Variants in ASPRV1 observed in about 807,000 individuals in gnomAD.
ASPRV1 encodes retroviral-like aspartic protease 1.
Under a neutral mutation model 11.0 loss-of-function variants are expected in ASPRV1, and 7 were observed. The ratio of observed to expected loss-of-function variants is 0.64; its 90% CI spans 0.36 to 1.20. The LOEUF is 1.20. ASPRV1 is among the 50% of genes most tolerant of loss of function. The pLI is 0.02. For missense variants in ASPRV1, 299 were observed against 320.0 expected, an observed-to-expected ratio of 0.93 and a Z score of 0.50; for synonymous variants, 136 against 138.4, an observed-to-expected ratio of 0.98 and a Z score of 0.12.
the ASPRV1 span, among the ~76,000 whole-genome samples, chr2:70,080,223 G>T: frequency 7.1e-6 from 1 of 140,662 alleles, no homozygotes; most frequent in Non-Finnish European, 1.5e-5. Flanking sequence ...GCTGTGCCCT[G>T]CCCCTTCTGT....
chr2:69,988,859 T>G, the ASPRV1 span: 1 of 455,480 alleles, frequency 2.2e-6, no homozygotes, highest in Non-Finnish European at 4.4e-6. Flanking sequence ...ATGGGAGGGG[T>G]CAGGAAGCAA....
chr2:70,065,592 GAT>G, the ASPRV1 span, among the ~76,000 whole-genome samples: 4 of 151,788 alleles, frequency 2.6e-5, no homozygotes, highest in Non-Finnish European at 2.9e-5. Flanking sequence ...TGTCTGAAGA[GAT>G]AGCATTTAAA....
At chr2:69,939,478 A>G in the ASPRV1 span, 1 of 152,674 alleles carries the variant, frequency 6.5e-6, no homozygotes, top group Non-Finnish European at 1.5e-5. Context: ...AAAACAGAGC[A>G]CATGTATATG....
the ASPRV1 span, among the ~76,000 whole-genome samples, chr2:69,983,684 C>T: frequency 6.6e-6 from 1 of 152,122 alleles, no homozygotes; most frequent in Non-Finnish European, 1.5e-5. Flanking sequence ...ACCTGGAGGG[C>T]CTAAGCGGGC....
the ASPRV1 span, among the ~76,000 whole-genome samples, chr2:69,945,831 G>A: frequency 6.6e-6 from 1 of 152,236 alleles, no homozygotes; most frequent in East Asian, 1.9e-4. Context: ...GCCCACTCAG[G>A]CCCTGGAGAA....
the ASPRV1 span, chr2:70,049,323 G>GT: frequency 4.6e-5 from 7 of 151,490 alleles, no homozygotes. Context: ...TTAGGACTAT[G>GT]ACTGGCACAC....
chr2:69,950,889 AAT>A, the ASPRV1 span, among the ~76,000 whole-genome samples: 1 of 148,818 alleles, frequency 6.7e-6, no homozygotes, highest in Non-Finnish European at 1.5e-5. Flanking sequence ...ATAAATAAAT[AAT>A]AAAAAATAAA....
At chr2:69,942,464 TTGAG>T in the ASPRV1 span, 4 of 152,320 alleles carry the variant, frequency 2.6e-5, no homozygotes, top group East Asian at 1.9e-4. Context: ...GCTGAAGAGA[TTGAG>T]TATTTGACCT....
chr2:70,056,683 T>C, the ASPRV1 span: 18 of 149,544 alleles, frequency 1.2e-4, no homozygotes, highest in African/African-American at 4.2e-4. Context: ...CCCTTAAAAA[T>C]GGTTAAGATG....
the ASPRV1 span, among the ~76,000 whole-genome samples, chr2:70,026,150 C>T: frequency 2.0e-5 from 3 of 152,272 alleles, no homozygotes; most frequent in Middle Eastern, 3.4e-3. Context: ...GAAACCTTGT[C>T]TCTACTAAAA....
At chr2:70,029,169 A>G in the ASPRV1 span, among the ~76,000 whole-genome samples, 4 of 152,198 alleles carry the variant, frequency 2.6e-5, no homozygotes, top group African/African-American at 2.4e-5. Context: ...ATCCAGCAGA[A>G]AGAGGATTGG....
the ASPRV1 span, among the ~76,000 whole-genome samples, chr2:69,951,835 T>C: frequency 6.6e-6 from 1 of 152,174 alleles, no homozygotes; most frequent in African/African-American, 2.4e-5. Flanking sequence ...TTGATGATTT[T>C]TTTGGTGAGT....
rs747852584 is a variant in ASPRV1, at chr2:69,960,995, C to T, written c.442G>A (p.Asp148Asn). ...PNLWEEVTDGDLDTLQPFENV... is the reference protein window; with the variant it reads ...PNLWEEVTDGNLDTLQPFENV... ...TCAAAGGGCTGCAGGGTGTCCAGAT[C>T]GCCATCAGTGACCTCCTCCCACAAG... The change falls in exon 1 of 1, where the codon GAT (aspartate) becomes AAT (asparagine). Residue 148 changes from aspartate (D) to asparagine (N), a missense_variant. Transcript: ENST00000320256. 3.9e-5 allele frequency: 63 copies of T among 1,614,012 alleles called. No homozygotes were observed. Among genetic ancestry groups the T allele is most frequent in the Middle Eastern group, 1.6e-4 (1 of 6,084 alleles).
At chr2:69,937,384 C>G in the ASPRV1 span, 1 of 1,607,116 alleles carries the variant, frequency 6.2e-7, no homozygotes, top group South Asian at 1.1e-5. Flanking sequence ...AGCGCTCCGA[C>G]TCCGACAGGG....
Position 69,960,595 on chromosome 2 carries a change from A to T in ASPRV1, c.*62T>A. ...CCAGTGACCCCCATGAGGATATGCAACCCCCCCCACAGCGGTGGGTCTTCC... is the reference window on the plus strand; with the variant it reads ...CCAGTGACCCCCATGAGGATATGCATCCCCCCCCACAGCGGTGGGTCTTCC... On this transcript the variant is annotated 3_prime_UTR_variant, in exon 1 of 1. Transcript: ENST00000320256. 3.3e-6 allele frequency: 5 copies of T among 1,498,276 alleles called. No individual in the cohort carries two copies. The South Asian group carries it at 6.2e-5, about 19-fold the overall frequency. The allele number at this position is 1,498,276 out of a possible 1,614,324, so 92.8% of individuals were successfully genotyped here.
At chr2:70,033,946 A>G in the ASPRV1 span, among the ~76,000 whole-genome samples, 1 of 151,730 alleles carries the variant, frequency 6.6e-6, no homozygotes, top group South Asian at 2.1e-4. Context: ...CGAGGTCAGG[A>G]GATCAAGACC....
At chr2:70,065,549 ACTTTAGAATCAT>A in the ASPRV1 span, among the ~76,000 whole-genome samples, 1 of 152,122 alleles carries the variant, frequency 6.6e-6, no homozygotes. Context: ...ATGGGTAGAT[ACTTTAGAATCAT>A]TAGATAGTCA....
the ASPRV1 span, among the ~76,000 whole-genome samples, chr2:70,036,296 G>T: frequency 1.9e-4 from 29 of 152,178 alleles, no homozygotes; most frequent in Admixed American, 7.2e-4. Context: ...GCAGATAGTG[G>T]TGATAAAAGC....
the ASPRV1 span, among the ~76,000 whole-genome samples, chr2:69,954,179 C>T: frequency 6.6e-6 from 1 of 152,192 alleles, no homozygotes; most frequent in African/African-American, 2.4e-5. Flanking sequence ...AGAATGAAGG[C>T]TCCTCATGGC....
Sources: allele counts gnomAD v4.1 joint callset (sites outside exome capture counted in the v4.1 genomes callset), GRCh38; gene constraint gnomAD v4.1.1; transcripts MANE v1.5; gene names NCBI Gene and HGNC (gene_info 2026-07-23, HGNC 2026-07-21).